FER1L5: variants seen among roughly 807,000 people sequenced by gnomAD.
FER1L5 encodes fer-1-like protein 5.
A neutral mutation model predicts 279.9 loss-of-function variants in FER1L5; 187 were observed. The ratio of observed to expected loss-of-function variants is 0.67; its 90% CI spans 0.59 to 0.75. The LOEUF is 0.75. Ranked by LOEUF, FER1L5 falls within the 30% of genes least tolerant of loss-of-function variation. FER1L5 has a pLI of 0.00. For synonymous variants in FER1L5, 921 were observed against 989.7 expected, an observed-to-expected ratio of 0.93 and a Z score of 1.30; for missense variants, 2,091 against 2,594.4, an observed-to-expected ratio of 0.81 and a Z score of 4.21.
At chr2:96,650,133 T>C in intron 5 of FER1L5, 47 bp from the exon 6 acceptor site, 4 of 1,444,194 alleles carry the variant, frequency 2.8e-6, no homozygotes, top group Non-Finnish European at 2.9e-6. Context: ...ACCTCAAACC[T>C]CCTGGGCCCC....
intron 9 of FER1L5, among the ~76,000 whole-genome samples, chr2:96,658,766 A>G (rs1165408418): frequency 6.6e-6 from 1 of 151,956 alleles, no homozygotes; most frequent in African/African-American, 2.4e-5. Flanking sequence ...CTTCCTAACG[A>G]CTAACGATGT....
In FER1L5 at chr2:96,667,725, C is replaced by T. The variant is rs1002609033; in HGVS notation, c.1141-1026C>T. 3.3e-5 allele frequency among the ~76,000 whole-genome samples: 5 copies of T among 152,284 alleles called. No homozygotes were observed. In the South Asian group the frequency reaches 1.0e-3, roughly 32 times the overall value. ...TAGACATGATGAAGACATTCTAGGCCCACGGCCTCTCCATGAGATGGTTTG... is the reference window on the plus strand; with the variant it reads ...TAGACATGATGAAGACATTCTAGGCTCACGGCCTCTCCATGAGATGGTTTG... On this transcript the variant is annotated intron_variant, in intron 14 of 52. Coordinates refer to ENST00000624922, the MANE Select transcript of FER1L5 (RefSeq NM_001293083.2).
At chr2:96,668,109 T>G (rs931035825) in intron 14 of FER1L5, among the ~76,000 whole-genome samples, 1 of 152,134 alleles carries the variant, frequency 6.6e-6, no homozygotes, top group Non-Finnish European at 1.5e-5. Flanking sequence ...CCCCCCAAAG[T>G]GCTGGGATTA....
At position 96,704,863 on chromosome 2, in the gene FER1L5, A is replaced by C; in HGVS notation, c.*171A>C. On this transcript the variant is annotated 3_prime_UTR_variant, in exon 53 of 53. Coordinates refer to ENST00000624922, the MANE Select transcript of FER1L5 (RefSeq NM_001293083.2). ...CGAGCAGAGCTGTAATTTTCCACTG[A>C]AATAAACAAGTTCTATAACAGAGAG... is the stretch of plus-strand genomic sequence containing the variant. The C allele has an allele frequency of 1.6e-6, 1 of 626,360 alleles. No individual in the cohort carries two copies. Among genetic ancestry groups the C allele is most frequent in the Non-Finnish European group, 2.8e-6 (1 of 361,590 alleles). 38.8% of individuals were successfully genotyped at this position (626,360 alleles called of 1,614,324 possible). A position where few individuals can be genotyped will look rare whatever the true frequency, so the allele number is the denominator to read the frequency against.
chr2:96,702,977 G>A lies in FER1L5; in HGVS notation c.5398-1G>A. ...AACACGCCCTTCCGCCATTTCCCCA[G>A]GATTACATATGGAGCCTGGATGCCA... On this transcript the variant is annotated splice_acceptor_variant, in intron 48 of 52. Coordinates refer to ENST00000624922, the MANE Select transcript of FER1L5 (RefSeq NM_001293083.2). LOFTEE classifies it high-confidence loss of function. The surrounding 1 kb of genome is among the most constrained non-coding windows in gnomAD (Gnocchi z 4.0). 1.2e-6 allele frequency: 2 copies of A among 1,610,862 alleles called. No individual in the cohort carries two copies. The highest frequency in any genetic ancestry group is 1.7e-6 in the Non-Finnish European group (2 of 1,178,610).
intron 19 of FER1L5, among the ~76,000 whole-genome samples, chr2:96,678,681 C>A (rs1211924276): frequency 6.6e-6 from 1 of 152,186 alleles, no homozygotes; most frequent in African/African-American, 2.4e-5. Flanking sequence ...AATCCACCCA[C>A]CTTGGCCTCC....
rs1217038990 is a variant in FER1L5, at chr2:96,684,413, A to C, written c.1756A>C (p.Asn586His). 1 of 1,551,564 alleles carries C rather than the reference A, an allele frequency of 6.4e-7. No individual in the cohort carries two copies. Among genetic ancestry groups the C allele is most frequent in the Non-Finnish European group, 8.7e-7 (1 of 1,146,956 alleles). Residue 586 changes from asparagine to histidine, a missense_variant, in exon 20 of 53, where the codon AAC becomes CAC. Physicochemically the swap from Asn to His is moderately conservative, Grantham distance 68. Coordinates refer to ENST00000624922, the MANE Select transcript of FER1L5 (RefSeq NM_001293083.2). The part of the protein sequence containing the change: ...SNWEDVSFRM[N>H]CLNLLHFTRD... The stretch of plus-strand genomic sequence containing the variant: ...CTGGGAGGACGTCAGCTTCCGCATG[A>C]ACTGCCTCAACCTCCTCCACTTCAC...
chr2:96,647,990 C>CACACT, intron 4 of FER1L5, 104 bp downstream of exon 4: 1 of 805,718 alleles, frequency 1.2e-6, no homozygotes, highest in Non-Finnish European at 2.1e-6. Context: ...GGGGCCCCAT[C>CACACT]ACACTGCCTT....
chr2:96,647,101 A>G lies in FER1L5; in HGVS notation c.176A>G (p.Asn59Ser). ...IWHLWNRPLE[N>S]DSFLQVTLQD... Reference sequence around the variant, plus strand: ...CACCTCTGGAACCGCCCCCTGGAAAATGACTCCTTCCTGCAAGTCACCCTT... The same window carrying G: ...CACCTCTGGAACCGCCCCCTGGAAAGTGACTCCTTCCTGCAAGTCACCCTT... Residue 59 changes from asparagine (N) to serine (S), a missense_variant, in exon 3 of 53, where the codon AAT becomes AGT. Transcript: ENST00000624922. The G allele has an allele frequency of 6.4e-7, 1 of 1,551,578 alleles. No individual in the cohort carries two copies. Among genetic ancestry groups the G allele is most frequent in the African/African-American group, 1.4e-5 (1 of 73,114 alleles).
intron 10 of FER1L5, among the ~76,000 whole-genome samples, chr2:96,661,107 A>AG (rs1204619593): frequency 6.6e-6 from 1 of 152,194 alleles, no homozygotes; most frequent in Non-Finnish European, 1.5e-5. Flanking sequence ...AGGCATAAAC[A>AG]GGGGTCCCTG....
chr2:96,702,144 T>C lies in FER1L5; in HGVS notation c.5159+101T>C. 1 of 1,571,560 alleles carries C rather than the reference T, an allele frequency of 6.4e-7. No individual in the cohort carries two copies. The highest frequency in any genetic ancestry group is 8.7e-7 in the Non-Finnish European group (1 of 1,153,986). On this transcript the variant is annotated intron_variant, in intron 46 of 52. Coordinates refer to ENST00000624922, the MANE Select transcript of FER1L5 (RefSeq NM_001293083.2). This position sits in a 1 kb window ranked among gnomAD's most constrained non-coding sequence, Gnocchi z 4.0. ...AGGTACTGAGCTGCAGTAATTCGTTTCTCTATTGGGAAGAGAGGAAGCTCT... is the reference window on the plus strand; with the variant it reads ...AGGTACTGAGCTGCAGTAATTCGTTCCTCTATTGGGAAGAGAGGAAGCTCT...
chr2:96,661,758 C>T lies in FER1L5; in HGVS notation c.985C>T (p.Leu329Phe). The T allele has an allele frequency of 6.4e-7, 1 of 1,551,742 alleles. No homozygotes were observed. The highest frequency in any genetic ancestry group is 8.7e-7 in the Non-Finnish European group (1 of 1,147,002). The change falls in exon 12 of 53, where the codon CTC becomes TTC. Residue 329 changes from leucine (L) to phenylalanine (F), a missense_variant. Leu to Phe is a conservative substitution (Grantham distance 22, BLOSUM62 0). Transcript: ENST00000624922. ...VVPINMAYLQLFIYCAEDLHL... is the reference protein window; with the variant it reads ...VVPINMAYLQFFIYCAEDLHL... Reference sequence around the variant, plus strand: ...CCCGATCAACATGGCTTACTTACAGCTCTTCATCTACTGCGCAGAGGACCT... The same window carrying T: ...CCCGATCAACATGGCTTACTTACAGTTCTTCATCTACTGCGCAGAGGACCT...
chr2:96,670,539 A>G (rs1389576452), intron 18 of FER1L5, among the ~76,000 whole-genome samples: 3 of 152,090 alleles, frequency 2.0e-5, no homozygotes, highest in Non-Finnish European at 4.4e-5. Context: ...GCACTTTGGG[A>G]GACCGAGGAG....
intron 14 of FER1L5, among the ~76,000 whole-genome samples, chr2:96,667,464 C>T (rs2076166508): frequency 6.6e-6 from 1 of 151,842 alleles, no homozygotes; most frequent in Admixed American, 6.6e-5. Context: ...TCTCCTGCCT[C>T]AGCCTCCCGA....
Position 96,694,429 on chromosome 2 carries a change from A to G in FER1L5, c.3706A>G (p.Ser1236Gly). 1 of 1,549,384 alleles carries G rather than the reference A, an allele frequency of 6.5e-7. No individual in the cohort carries two copies. Among genetic ancestry groups the G allele is most frequent in the Non-Finnish European group, 8.7e-7 (1 of 1,145,684 alleles). ...WKNGAYTLPK[S>G]IQPTIKRMAI... Reference sequence around the variant, plus strand: ...GAATGGGGCATACACACTCCCCAAGAGCATCCAGCCCACGATAAAGAGGAT... The same window carrying G: ...GAATGGGGCATACACACTCCCCAAGGGCATCCAGCCCACGATAAAGAGGAT... The change falls in exon 34 of 53, where the codon AGC (serine) becomes GGC (glycine). Residue 1236 changes from serine to glycine, a missense_variant. Ser to Gly is a moderately conservative substitution (Grantham distance 56). Transcript: ENST00000624922. This position sits in a 1 kb window ranked among gnomAD's most constrained non-coding sequence, Gnocchi z 4.6.
In FER1L5 at chr2:96,690,744, T is replaced by C. The variant is rs560433807; in HGVS notation, c.2743+155T>C. Among the ~76,000 whole-genome samples, 15 of 152,300 alleles carry C rather than the reference T, an allele frequency of 9.8e-5. No individual in the cohort carries two copies. The South Asian group carries it at 2.9e-3, about 29-fold the overall frequency. On this transcript the variant is annotated intron_variant, in intron 27 of 52. Coordinates refer to ENST00000624922, the MANE Select transcript of FER1L5 (RefSeq NM_001293083.2). ...CAGAGCTGGGTCTCCAGCGTTTCCT[T>C]ACACATAGGCCCCAGTTTTGAGACA...
At chr2:96,695,958 G>T in intron 36 of FER1L5, 54 bp downstream of exon 36, 1 of 1,607,186 alleles carries the variant, frequency 6.2e-7, no homozygotes, top group South Asian at 1.1e-5. Context: ...GCCTGCACTG[G>T]GAGTGGGGCA....
intron 8 of FER1L5, 170 bp downstream of exon 8, chr2:96,653,872 C>A: frequency 5.0e-6 from 3 of 598,478 alleles, no homozygotes; most frequent in East Asian, 2.9e-5. Flanking sequence ...TTCATTTACT[C>A]ATTTATTCAA....
At chr2:96,692,805 G>C (rs1045210735) in intron 31 of FER1L5, among the ~76,000 whole-genome samples, 3 of 152,126 alleles carry the variant, frequency 2.0e-5, no homozygotes, top group Non-Finnish European at 4.4e-5. Context: ...AGGGAGCTGT[G>C]TCCCTTGGGC....
Sources: gnomAD v4.1 joint callset for allele counts (sites outside exome capture counted in the v4.1 genomes callset) on GRCh38, gnomAD v4.1.1 for gene constraint, Gnocchi (gnomAD v3.1) non-coding constraint, MANE v1.5 for transcripts, NCBI Gene and HGNC (gene_info 2026-07-23, HGNC 2026-07-21) for gene names.